LRBA: variants seen among roughly 807,000 people sequenced by gnomAD.
The protein encoded by LRBA is lipopolysaccharide-responsive and beige-like anchor protein.
Under a neutral mutation model 330.0 loss-of-function variants are expected in LRBA, and 176 were observed. The observed-to-expected ratio is 0.53, with a 90% CI of 0.47 to 0.60. The LOEUF (loss-of-function observed/expected upper bound fraction) is 0.60, where lower values mean the gene tolerates loss of function less well. LRBA is among the 20% of genes least tolerant of loss of function. The pLI is 0.00. For synonymous variants in LRBA, 1,230 were observed against 1,193.0 expected, an observed-to-expected ratio of 1.03 and a Z score of -0.64; for missense variants, 3,259 against 3,444.8, an observed-to-expected ratio of 0.95 and a Z score of 1.35.
At chr4:150,707,142 G>T (rs1340570773) in intron 36 of LRBA, among the ~76,000 whole-genome samples, 1 of 151,650 alleles carries the variant, frequency 6.6e-6, no homozygotes, top group African/African-American at 2.4e-5. Flanking sequence ...TCTAACAGTG[G>T]TTTTCTGTAA....
In LRBA at chr4:150,848,936, C is replaced by T. The variant is rs150375271; in HGVS notation, c.4221G>A (p.Leu1407=). 1.2e-6 allele frequency: 2 copies of T among 1,610,944 alleles called. No homozygotes were observed. Among genetic ancestry groups the T allele is most frequent in the Non-Finnish European group, 1.7e-6 (2 of 1,178,302 alleles). Residue 1407 remains leucine (L), a synonymous_variant, in exon 26 of 57, where the codon TTG becomes TTA. Transcript: ENST00000651943. ...CATCCACAAGGCTAATTAGCCTCTG[C>T]AAAAATGTCACAGAGGCTTCTATTG... ...GLSIEASVTF[L]QRLISLVDVL...
At chr4:150,375,663 C>A (rs887636888) in intron 47 of LRBA, among the ~76,000 whole-genome samples, 7 of 149,764 alleles carry the variant, frequency 4.7e-5, no homozygotes, top group African/African-American at 1.5e-4. Flanking sequence ...CGGGATTTCA[C>A]CATGTTGGCC....
At position 150,921,213 on chromosome 4, in the gene LRBA, T is replaced by C. The variant is rs950905999; in HGVS notation, c.630A>G (p.Pro210=). Reference sequence around the variant, plus strand: ...ATTTACTTACTGCAGCACTCTTTCCTGGAAAGTTAAAAAAGGCATCAGGAC... The same window carrying C: ...ATTTACTTACTGCAGCACTCTTTCCCGGAAAGTTAAAAAAGGCATCAGGAC... The part of the protein sequence containing the change: ...KYGPDAFFNF[P]GKSAAAIALP... Residue 210 remains proline (P), a synonymous_variant, in exon 5 of 57, where the codon CCA becomes CCG. Coordinates refer to ENST00000651943, the MANE Select transcript of LRBA (RefSeq NM_001364905.1). 3.1e-6 allele frequency: 5 copies of C among 1,609,628 alleles called. No homozygotes were observed. The highest frequency in any genetic ancestry group is 1.3e-5 in the African/African-American group (1 of 74,828).
chr4:150,493,547 T>G (rs1299812064), intron 40 of LRBA, among the ~76,000 whole-genome samples: 1 of 152,190 alleles, frequency 6.6e-6, no homozygotes, highest in Non-Finnish European at 1.5e-5. Context: ...CGCAAAAATA[T>G]TCGGATTTCT....
At position 150,693,188 on chromosome 4, in the gene LRBA, AT is replaced by A. The variant is rs11315205; in HGVS notation, c.5755-9472del. 6.1e-3 allele frequency among the ~76,000 whole-genome samples: 932 copies of A among 152,330 alleles called. 8 individuals carry two copies. Among genetic ancestry groups the A allele is most frequent in the African/African-American group, 0.021 (885 of 41,580 alleles). On this transcript the variant is annotated intron_variant, in intron 36 of 56. Transcript: ENST00000651943. ...AGAAGTTGAAAAATGTAAGAAAATA[AT>A]TAAATGTTGGAAACATAATGTTGAA...
At chr4:150,696,526 C>A (rs370561452) in intron 36 of LRBA, among the ~76,000 whole-genome samples, 3 of 152,110 alleles carry the variant, frequency 2.0e-5, no homozygotes, top group Non-Finnish European at 4.4e-5. Flanking sequence ...AAAGGTAACA[C>A]CTAACATTTA....
At chr4:150,936,353 T>C (rs1735081452) in intron 2 of LRBA, among the ~76,000 whole-genome samples, 1 of 151,932 alleles carries the variant, frequency 6.6e-6, no homozygotes, top group South Asian at 2.1e-4. Context: ...ACCTGTAAAT[T>C]TGGTAAAGAT....
chr4:150,405,828 G>A (rs1746119938), intron 47 of LRBA, among the ~76,000 whole-genome samples: 1 of 152,148 alleles, frequency 6.6e-6, no homozygotes, highest in Non-Finnish European at 1.5e-5. Flanking sequence ...GCCAAGATAA[G>A]AGGATTGCTT....
chr4:150,471,112 C>A (rs1370604471), intron 43 of LRBA, among the ~76,000 whole-genome samples: 1 of 152,092 alleles, frequency 6.6e-6, no homozygotes. Context: ...TGAATATATA[C>A]TTCATGCACA....
chr4:150,453,270 A>T (rs750122926), intron 44 of LRBA, among the ~76,000 whole-genome samples: 2 of 152,210 alleles, frequency 1.3e-5, no homozygotes, highest in Non-Finnish European at 2.9e-5. Flanking sequence ...ACTTTATTAC[A>T]TGATTTACTA....
chr4:150,809,557 A>T (rs1743292268), intron 31 of LRBA, among the ~76,000 whole-genome samples: 1 of 152,200 alleles, frequency 6.6e-6, no homozygotes, highest in Non-Finnish European at 1.5e-5. Flanking sequence ...TCTCAAAAAA[A>T]AGAATTGCCA....
At chr4:150,359,464 C>G (rs1738356926) in intron 47 of LRBA, among the ~76,000 whole-genome samples, 1 of 152,260 alleles carries the variant, frequency 6.6e-6, no homozygotes, top group South Asian at 2.1e-4. Flanking sequence ...TTATTACTTA[C>G]AGCAACTGAT....
intron 40 of LRBA, among the ~76,000 whole-genome samples, chr4:150,567,974 G>A (rs976383165): frequency 5.3e-5 from 8 of 152,064 alleles, no homozygotes; most frequent in African/African-American, 1.2e-4. Context: ...CGATATATTA[G>A]AGTGTTTAAG....
chr4:150,509,581 G>A (rs575398742), intron 40 of LRBA, among the ~76,000 whole-genome samples: 49 of 142,660 alleles, frequency 3.4e-4, no homozygotes, highest in African/African-American at 9.2e-4. Flanking sequence ...AAAAAAAAAA[G>A]AGAGAAATAT....
rs938367671 is a variant in LRBA at position 151,014,563 on chromosome 4, G to A, written c.80C>T (p.Pro27Leu). Residue 27 changes from proline to leucine, a missense_variant, in exon 2 of 57, where the codon CCT becomes CTT. Transcript: ENST00000651943. ...DGGGGGREETPTEGGALSLKP... is the reference protein window; with the variant it reads ...DGGGGGREETLTEGGALSLKP... Reference sequence around the variant, plus strand: ...CAGAGACAATGCACCCCCTTCAGTAGGGGTTTCTTCTCTCCCTCCACCTCC... The same window carrying A: ...CAGAGACAATGCACCCCCTTCAGTAAGGGTTTCTTCTCTCCCTCCACCTCC... 1 of 1,613,454 alleles carries A rather than the reference G, an allele frequency of 6.2e-7. No homozygotes were observed. The highest frequency in any genetic ancestry group is 1.1e-5 in the South Asian group (1 of 90,882).
intron 40 of LRBA, chr4:150,584,040 C>T: frequency 6.2e-7 from 1 of 1,607,000 alleles, no homozygotes; most frequent in Non-Finnish European, 8.5e-7. Context: ...CCCTGGAGAG[C>T]GCTGCCAAGC....
intron 2 of LRBA, among the ~76,000 whole-genome samples, chr4:150,967,839 A>AT (rs1316115690): frequency 6.6e-6 from 1 of 152,148 alleles, no homozygotes; most frequent in Non-Finnish European, 1.5e-5. Context: ...TAGTGAACTT[A>AT]ATAAATGTGG....
intron 40 of LRBA, among the ~76,000 whole-genome samples, chr4:150,514,974 G>A (rs1453839509): frequency 6.6e-6 from 1 of 151,956 alleles, no homozygotes; most frequent in Non-Finnish European, 1.5e-5. Context: ...CCTTTATCTC[G>A]CCTTAAACTA....
intron 35 of LRBA, among the ~76,000 whole-genome samples, chr4:150,744,209 A>G (rs935333331): frequency 1.3e-5 from 2 of 152,224 alleles, no homozygotes; most frequent in Non-Finnish European, 2.9e-5. Flanking sequence ...ACAGATGTGA[A>G]ATACTGGTTT....
Sources: allele counts gnomAD v4.1 joint callset (sites outside exome capture counted in the v4.1 genomes callset), GRCh38; gene constraint gnomAD v4.1.1; transcripts MANE v1.5; gene names NCBI Gene and HGNC (gene_info 2026-07-23, HGNC 2026-07-21).